RASGRP2: variants seen among roughly 807,000 people sequenced by gnomAD.
The protein encoded by RASGRP2 is RAS guanyl-releasing protein 2.
A neutral mutation model predicts 71.0 loss-of-function variants in RASGRP2; 44 were observed. The observed-to-expected ratio is 0.62, with a 90% CI of 0.49 to 0.80. The LOEUF (loss-of-function observed/expected upper bound fraction) is 0.80, where lower values mean the gene tolerates loss of function less well. RASGRP2 is among the 30% of genes least tolerant of loss of function. RASGRP2 has a pLI of 0.00. For synonymous variants in RASGRP2, 350 were observed against 330.7 expected, an observed-to-expected ratio of 1.06 and a Z score of -0.63; for missense variants, 663 against 813.4, an observed-to-expected ratio of 0.82 and a Z score of 2.25.
At chr11:64,733,395 AACACAC>A (rs4014428) in intron 12 of RASGRP2, among the ~76,000 whole-genome samples, 10,227 of 124,756 alleles carry the variant, frequency 0.082, 684 homozygotes, top group East Asian at 0.26. Flanking sequence ...CCCCCTCACC[AACACAC>A]ACACACACAC....
chr11:64,727,312 A>G lies in RASGRP2; in HGVS notation c.1820T>C (p.Ile607Thr). The G allele has an allele frequency of 2.5e-6, 4 of 1,613,710 alleles. No homozygotes were observed. Among genetic ancestry groups the G allele is most frequent in the South Asian group, 1.1e-5 (1 of 91,064 alleles). Residue 607 changes from isoleucine (I) to threonine (T), a missense_variant, in exon 16 of 17, where the codon ATC becomes ACC. Ile to Thr is a moderately conservative substitution (Grantham distance 89). Transcript: ENST00000394432. ...VQTVEDGVFD[I>T]HL ...AGGACTCACCATCTATTACAAGTGGATGTCAAACACCCCATCCTCCACCGT... is the reference window on the plus strand; with the variant it reads ...AGGACTCACCATCTATTACAAGTGGGTGTCAAACACCCCATCCTCCACCGT...
chr11:64,745,316 C>G (rs893887339), upstream of RASGRP2: 1 of 152,666 alleles, frequency 6.6e-6, no homozygotes, highest in South Asian at 2.1e-4. Flanking sequence ...GGGCGTCTTC[C>G]TGCAGGCAGC....
intron 14 of RASGRP2, among the ~76,000 whole-genome samples, chr11:64,729,386 G>C (rs1391063230): frequency 6.6e-6 from 1 of 151,784 alleles, no homozygotes; most frequent in Non-Finnish European, 1.5e-5. Context: ...GCCCAGGCTG[G>C]AGTGCAGTGG....
intron 15 of RASGRP2, among the ~76,000 whole-genome samples, chr11:64,727,867 T>C (rs2057624124): frequency 6.6e-6 from 1 of 152,182 alleles, no homozygotes; most frequent in South Asian, 2.1e-4. Flanking sequence ...TGCCACAGCT[T>C]TTTCAGCCAC....
At position 64,735,339 on chromosome 11, in the gene RASGRP2, G is replaced by A. The variant is rs1488139467; in HGVS notation, c.1297-112C>T. On this transcript the variant is annotated intron_variant, in intron 11 of 16. Transcript: ENST00000394432. This position sits in a 1 kb window ranked among gnomAD's most constrained non-coding sequence, Gnocchi z 4.2. Reference sequence around the variant, plus strand: ...ATTTGATGAGGTGTGTCTCAGAGAGGTCTCTGACACCACCCCCGTTCCATA... The same window carrying A: ...ATTTGATGAGGTGTGTCTCAGAGAGATCTCTGACACCACCCCCGTTCCATA... 2 of 1,237,970 alleles carry A rather than the reference G, an allele frequency of 1.6e-6. No homozygotes were observed. Among genetic ancestry groups the A allele is most frequent in the Non-Finnish European group, 2.4e-6 (2 of 850,192 alleles). The allele number at this position is 1,237,970 out of a possible 1,614,324, so 76.7% of individuals were successfully genotyped here. A position where few individuals can be genotyped will look rare whatever the true frequency, so the allele number is the denominator to read the frequency against.
At chr11:64,736,094 G>C in intron 9 of RASGRP2, 114 bp from the exon 10 acceptor site, 1 of 819,696 alleles carries the variant, frequency 1.2e-6, no homozygotes, top group Non-Finnish European at 2.1e-6. Flanking sequence ...TCAGAAGCTA[G>C]ACTCAGGACA....
intron 15 of RASGRP2, among the ~76,000 whole-genome samples, chr11:64,727,774 C>T (rs1293063861): frequency 1.3e-5 from 2 of 152,156 alleles, no homozygotes; most frequent in African/African-American, 2.4e-5. Context: ...ACCTTGGCTT[C>T]CCAAAGTGCT....
In RASGRP2 at chr11:64,730,107, G is replaced by A; in HGVS notation, c.1500C>T (p.Asn500=). The A allele has an allele frequency of 2.6e-6, 4 of 1,551,006 alleles. No individual in the cohort carries two copies. Among genetic ancestry groups the A allele is most frequent in the Non-Finnish European group, 3.5e-6 (4 of 1,147,126 alleles). Residue 500 remains asparagine, a synonymous_variant, in exon 13 of 17, where the codon AAC becomes AAT. Transcript: ENST00000394432. ...GGCGCAAGGAGTTGCTCTCCTGGAA[G>A]TTGTGTACGAAGCCCATGCGCCCCC... ...VLGGRMGFVH[N]FQESNSLRPV...
intron 8 of RASGRP2, among the ~76,000 whole-genome samples, chr11:64,738,562 C>A (rs990924853): frequency 1.3e-5 from 2 of 152,080 alleles, no homozygotes; most frequent in African/African-American, 4.8e-5. Flanking sequence ...GCCTCAGCCT[C>A]CCAAGTAGCT....
rs1288121282 is a variant in RASGRP2, at chr11:64,743,314, CCACAGCCTCCCTT to C, written c.-71-390_-71-378del. The C allele has an allele frequency of 4.4e-6, 2 of 453,584 alleles. No individual in the cohort carries two copies. The highest frequency in any genetic ancestry group is 4.0e-5 in the African/African-American group (2 of 49,528). The allele number at this position is 453,584 out of a possible 1,614,324, so 28.1% of individuals were successfully genotyped here. A position where few individuals can be genotyped will look rare whatever the true frequency, so the allele number is the denominator to read the frequency against. On this transcript the variant is annotated intron_variant, in intron 1 of 16. Coordinates refer to ENST00000394432, the MANE Select transcript of RASGRP2 (RefSeq NM_001098671.2). The surrounding 1 kb of genome is among the most constrained non-coding windows in gnomAD (Gnocchi z 4.9). ...CTGCGCCCCTCCCGCTTCCCTCCCT[CCACAGCCTCCCTT>C]CCCCCGCAGGGTTATTTTGGGAACC...
In RASGRP2 at chr11:64,744,107, TGAC is replaced by T; in HGVS notation, c.-179_-177del. 1 of 988,416 alleles carries T rather than the reference TGAC, an allele frequency of 1.0e-6. No individual in the cohort carries two copies. The highest frequency in any genetic ancestry group is 1.2e-6 in the Non-Finnish European group (1 of 831,084). 61.2% of individuals were successfully genotyped at this position (988,416 alleles called of 1,614,324 possible). ...TTGAGTCCCGCGGCCACACAGGCGC[TGAC>T]ATCCTCACACGTGTGCACACACGCA... On this transcript the variant is annotated 5_prime_UTR_variant, in exon 1 of 17. It removes an upstream start codon present in the reference 5' UTR. Transcript: ENST00000394432.
In RASGRP2 at chr11:64,730,060, T is replaced by G; in HGVS notation, c.1547A>C (p.Lys516Thr). The G allele has an allele frequency of 6.4e-7, 1 of 1,552,170 alleles. No homozygotes were observed. The highest frequency in any genetic ancestry group is 8.7e-7 in the Non-Finnish European group (1 of 1,148,396). ...CGGGAAAGGGACTCTCACCAGGGCT[T>G]TGCAGTGGCGGCAGGCGACGGGGCG... ...SLRPVACRHC[K>T]ALILGIYKQG... is the part of the protein sequence containing the mutation. Residue 516 changes from lysine (K) to threonine (T), a missense_variant, in exon 13 of 17, where the codon AAA becomes ACA. Physicochemically the swap from Lys to Thr is moderately conservative, Grantham distance 78. Coordinates refer to ENST00000394432, the MANE Select transcript of RASGRP2 (RefSeq NM_001098671.2).
In RASGRP2 at chr11:64,743,720, C is replaced by T. The variant is rs554941412; in HGVS notation, c.-72+283G>A. 1.4e-4 allele frequency: 51 copies of T among 358,264 alleles called. 1 individual carries two copies. Among genetic ancestry groups the T allele is most frequent in the African/African-American group, 1.1e-3 (49 of 43,814 alleles). 22.2% of individuals were successfully genotyped at this position (358,264 alleles called of 1,614,324 possible). On this transcript the variant is annotated intron_variant, in intron 1 of 16. Coordinates refer to ENST00000394432, the MANE Select transcript of RASGRP2 (RefSeq NM_001098671.2). This position sits in a 1 kb window ranked among gnomAD's most constrained non-coding sequence, Gnocchi z 4.9. ...CGCACAGGCGAACTGTGAGCGCGCA[C>T]GGAGCAGGGTGTCCAGAGGGGGGCG...
chr11:64,727,891 C>A (rs2057625298), intron 15 of RASGRP2, among the ~76,000 whole-genome samples: 1 of 152,196 alleles, frequency 6.6e-6, no homozygotes, highest in South Asian at 2.1e-4. Flanking sequence ...TTTGTCAGCG[C>A]AGTTTGCTTA....
rs1474600859 is a variant in RASGRP2 at position 64,727,329 on chromosome 11, C to A, written c.1803G>T (p.Glu601Asp). The change falls in exon 16 of 17, where the codon GAG becomes GAT. Residue 601 changes from glutamate (E) to aspartate (D), a missense_variant. Physicochemically the swap from Glu to Asp is conservative, Grantham distance 45. Coordinates refer to ENST00000394432, the MANE Select transcript of RASGRP2 (RefSeq NM_001098671.2). ...EIREEEVQTV[E>D]DGVFDIHL ...ACAAGTGGATGTCAAACACCCCATC[C>A]TCCACCGTCTGTACCTCCTCCTCAC... The A allele has an allele frequency of 3.1e-6, 5 of 1,613,856 alleles. No individual in the cohort carries two copies. Among genetic ancestry groups the A allele is most frequent in the Non-Finnish European group, 3.4e-6 (4 of 1,179,948 alleles).
upstream of RASGRP2, chr11:64,744,172 C>T: frequency 1.0e-6 from 1 of 986,434 alleles, no homozygotes; most frequent in Non-Finnish European, 1.2e-6. Context: ...CTCCCACACA[C>T]ATGCACACAC....
At position 64,743,686 on chromosome 11, in the gene RASGRP2, C is replaced by A; in HGVS notation, c.-72+317G>T. On this transcript the variant is annotated intron_variant, in intron 1 of 16. Coordinates refer to ENST00000394432, the MANE Select transcript of RASGRP2 (RefSeq NM_001098671.2). This position sits in a 1 kb window ranked among gnomAD's most constrained non-coding sequence, Gnocchi z 4.9. ...CCCTATCCCCGGCTCCTGACCCTGG[C>A]CCCGGCCCCGCACAGGCGAACTGTG... 2 of 388,038 alleles carry A rather than the reference C, an allele frequency of 5.2e-6. No homozygotes were observed. Among genetic ancestry groups the A allele is most frequent in the Non-Finnish European group, 1.0e-5 (2 of 198,596 alleles). The allele number at this position is 388,038 out of a possible 1,614,324, so 24.0% of individuals were successfully genotyped here. A position where few individuals can be genotyped will look rare whatever the true frequency, so the allele number is the denominator to read the frequency against.
rs753906875 is a variant in RASGRP2 at position 64,735,600 on chromosome 11, G to A, written c.1238C>T (p.Ala413Val). ...RPPVLEEWTS[A>V]AKPKLDQALV... is the part of the protein sequence containing the mutation. ...GGCCTGATCCAGCTTGGGTTTGGCA[G>A]CCGAGGTCCACTCCTCCAGTACCGG... Residue 413 changes from alanine (A) to valine (V), a missense_variant, in exon 11 of 17, where the codon GCT (alanine) becomes GTT (valine). Coordinates refer to ENST00000394432, the MANE Select transcript of RASGRP2 (RefSeq NM_001098671.2). This position sits in a 1 kb window ranked among gnomAD's most constrained non-coding sequence, Gnocchi z 4.2. The A allele has an allele frequency of 6.2e-7, 1 of 1,614,088 alleles. No homozygotes were observed. The highest frequency in any genetic ancestry group is 1.1e-5 in the South Asian group (1 of 91,086).
At chr11:64,732,738 G>A (rs562817835) in intron 12 of RASGRP2, among the ~76,000 whole-genome samples, 4 of 150,626 alleles carry the variant, frequency 2.7e-5, no homozygotes, top group East Asian at 2.0e-4. Context: ...CCGAGATCGC[G>A]CCACCGCACT....
Sources: allele counts gnomAD v4.1 joint callset (sites outside exome capture counted in the v4.1 genomes callset), GRCh38; gene constraint gnomAD v4.1.1; non-coding constraint Gnocchi (gnomAD v3.1); transcripts MANE v1.5; gene names NCBI Gene and HGNC (gene_info 2026-07-23, HGNC 2026-07-21).